Variants in FOCAD observed in about 807,000 individuals in gnomAD.
The protein encoded by FOCAD is focadhesin, also known as KIAA1797.
FOCAD carries 198 observed loss-of-function variants against 225.6 expected under a neutral mutation model. The observed-to-expected ratio is 0.88, with a 90% confidence interval of 0.78 to 0.99. FOCAD has a LOEUF of 0.99. Ranked by LOEUF, FOCAD falls within the 50% of genes least tolerant of loss-of-function variation. FOCAD has a pLI of 0.00. For missense variants in FOCAD, 2,713 were observed against 2,123.6 expected (o/e 1.28, Z -5.46); for synonymous variants, 897 against 755.0 (o/e 1.19, Z -3.08).
At chr9:20,976,229 G>A (rs895945046) in intron 35 of FOCAD, 191 bp from the exon 36 acceptor site, 6 of 368,914 alleles carry the variant, frequency 1.6e-5, no homozygotes, top group African/African-American at 4.1e-5. Context: ...TTTAAAAAGA[G>A]AAGAACAGAG....
At chr9:20,686,944 C>G (rs188297325) in intron 1 of FOCAD, among the ~76,000 whole-genome samples, 2 of 150,516 alleles carry the variant, frequency 1.3e-5, no homozygotes, top group Admixed American at 1.3e-4. Flanking sequence ...TATTTTCAAA[C>G]AATGGATTGA....
intron 4 of FOCAD, among the ~76,000 whole-genome samples, chr9:20,733,362 T>A (rs1411724388): frequency 1.3e-5 from 2 of 152,140 alleles, no homozygotes; most frequent in Admixed American, 6.5e-5. Context: ...TTCTTTTTTT[T>A]ATTATTATTA....
chr9:20,864,986 TG>T (rs1351227197), intron 16 of FOCAD, among the ~76,000 whole-genome samples: 4 of 152,124 alleles, frequency 2.6e-5, no homozygotes. Context: ...GCAAGTAACT[TG>T]ACCAAGACTG....
At chr9:20,677,678 A>G (rs1238597352) in intron 2 of FOCAD, among the ~76,000 whole-genome samples, 1 of 151,790 alleles carries the variant, frequency 6.6e-6, no homozygotes. Context: ...ACCTGTTAGA[A>G]AAGGTAACAA....
rs556347951 is a variant in FOCAD, at chr9:20,867,085, G to T, written c.2190+73G>T. The T allele has an allele frequency of 1.1e-5, 10 of 943,580 alleles. No homozygotes were observed. In the East Asian group the frequency reaches 2.4e-4, roughly 23 times the overall value. 58.5% of individuals were successfully genotyped at this position (943,580 alleles called of 1,614,324 possible). A position where few individuals can be genotyped will look rare whatever the true frequency, so the allele number is the denominator to read the frequency against. ...TACAACTTTTTCTCTCTCATCTTAGGAGATACTTACCTGATGAATATATAC... is the reference window on the plus strand; with the variant it reads ...TACAACTTTTTCTCTCTCATCTTAGTAGATACTTACCTGATGAATATATAC... On this transcript the variant is annotated intron_variant, in intron 18 of 43. Coordinates refer to ENST00000338382, the MANE Select transcript of FOCAD (RefSeq NM_001375567.1).
intron 10 of FOCAD, among the ~76,000 whole-genome samples, chr9:20,788,197 G>A (rs117283247): frequency 0.012 from 1,876 of 152,318 alleles, 26 homozygotes; most frequent in Non-Finnish European, 0.018. Context: ...CATGCTAAGT[G>A]AAAGAAGCTG....
At chr9:20,825,448 G>T (rs566580316) in intron 15 of FOCAD, among the ~76,000 whole-genome samples, 2 of 151,960 alleles carry the variant, frequency 1.3e-5, no homozygotes, top group Non-Finnish European at 2.9e-5. Flanking sequence ...CCATTTCCTG[G>T]TGGCATTTGG....
chr9:20,946,850 CT>C, intron 30 of FOCAD, 30 bp downstream of exon 30: 2 of 1,610,034 alleles, frequency 1.2e-6, no homozygotes, highest in Non-Finnish European at 1.7e-6. Flanking sequence ...TTATTTCTCT[CT>C]GTGGGTCTCA....
At chr9:20,827,192 C>A (rs543623949) in intron 15 of FOCAD, among the ~76,000 whole-genome samples, 3 of 152,078 alleles carry the variant, frequency 2.0e-5, no homozygotes, top group African/African-American at 7.2e-5. Context: ...AGATGTCACC[C>A]CCTAATCTCC....
chr9:20,711,507 C>T (rs967258961), intron 1 of FOCAD, among the ~76,000 whole-genome samples: 6 of 152,032 alleles, frequency 3.9e-5, no homozygotes, highest in Non-Finnish European at 8.8e-5. Context: ...CATGGAGAGC[C>T]CCAAGACTAA....
Position 20,798,360 on chromosome 9 carries a change from A to G in FOCAD, c.1455+8752A>G, listed in dbSNP as rs1175755979. Among the ~76,000 whole-genome samples, 7 of 152,176 alleles carry G rather than the reference A, an allele frequency of 4.6e-5. No homozygotes were observed. The South Asian group carries it at 6.2e-4, about 14-fold the overall frequency. On this transcript the variant is annotated intron_variant, in intron 11 of 43. Coordinates refer to ENST00000338382, the MANE Select transcript of FOCAD (RefSeq NM_001375567.1). ...TTGGTATCAGGATGATGCTGGCCTC[A>G]TAAAATGAGTTAGGGAGGATTCCCT...
At chr9:20,878,101 G>A (rs959663630) in intron 19 of FOCAD, among the ~76,000 whole-genome samples, 3 of 150,642 alleles carry the variant, frequency 2.0e-5, no homozygotes, top group Non-Finnish European at 4.4e-5. Context: ...TTGTGATAAT[G>A]CACTTTTGTG....
chr9:20,668,136 A>AT (rs756985294), intron 2 of FOCAD, among the ~76,000 whole-genome samples: 2 of 152,208 alleles, frequency 1.3e-5, no homozygotes, highest in Non-Finnish European at 1.5e-5. Flanking sequence ...TTTGCATCTC[A>AT]TTTTTGTATT....
intron 4 of FOCAD, among the ~76,000 whole-genome samples, chr9:20,734,093 G>A (rs894947267): frequency 5.3e-5 from 8 of 152,284 alleles, no homozygotes; most frequent in Admixed American, 3.9e-4. Context: ...AATAAAAGTT[G>A]TGCAAACAGT....
At chr9:20,796,084 G>A (rs1444007321) in intron 11 of FOCAD, among the ~76,000 whole-genome samples, 3 of 151,726 alleles carry the variant, frequency 2.0e-5, no homozygotes, top group Admixed American at 1.3e-4. Flanking sequence ...TTGTTCTTGC[G>A]ATAGTTTGCT....
At chr9:20,757,492 G>T (rs1162661691) in intron 5 of FOCAD, among the ~76,000 whole-genome samples, 1 of 152,090 alleles carries the variant, frequency 6.6e-6, no homozygotes. Flanking sequence ...CAAATAAACG[G>T]ATTCATCTGC....
In FOCAD at chr9:20,720,549, G is replaced by T. The variant is rs1366105436; in HGVS notation, c.287+15G>T. On this transcript the variant is annotated intron_variant, in intron 4 of 43. Transcript: ENST00000338382. ...CCATCAACCAGGTACTTTTTCCTCA[G>T]TGTTTGGTCAGTTAATGATTTAAGT... 6.2e-7 allele frequency: 1 copy of T among 1,611,052 alleles called. No homozygotes were observed. Among genetic ancestry groups the T allele is most frequent in the South Asian group, 1.1e-5 (1 of 90,844 alleles).
At chr9:20,843,103 T>G (rs1261167231) in intron 15 of FOCAD, among the ~76,000 whole-genome samples, 1 of 152,040 alleles carries the variant, frequency 6.6e-6, no homozygotes. Flanking sequence ...GATAGCTTTA[T>G]TTTTTAGTTT....
At chr9:20,746,955 T>C (rs1041372237) in intron 5 of FOCAD, among the ~76,000 whole-genome samples, 1 of 152,224 alleles carries the variant, frequency 6.6e-6, no homozygotes, top group African/African-American at 2.4e-5. Context: ...GTTAATCACA[T>C]CTGGAGGTAC....
Sources: allele counts gnomAD v4.1 joint callset (sites outside exome capture counted in the v4.1 genomes callset), GRCh38; gene constraint gnomAD v4.1.1; transcripts MANE v1.5; gene names NCBI Gene and HGNC (gene_info 2026-07-23, HGNC 2026-07-21).